The following PKIB variants were observed in gnomAD, a reference collection of about 807,000 sequenced individuals.
PKIB encodes the protein PKI-beta.
PKIB carries 2 observed loss-of-function variants against 4.5 expected under a neutral mutation model. That is an observed-to-expected ratio of 0.44 (90% confidence interval 0.18 to 1.39). The LOEUF is 1.39. Among genes scored for constraint, PKIB ranks in the 40% most tolerant of loss-of-function variants. The probability of loss-of-function intolerance (pLI) is 0.27; values close to 1 mark genes in which losing one functional copy is unlikely to be tolerated. For missense variants in PKIB, 94 were observed against 92.6 expected (o/e 1.02, Z -0.06); for synonymous variants, 38 against 36.0 (o/e 1.06, Z -0.20).
chr6:122,503,824 G>A (rs1208975562), intron 2 of PKIB, among the ~76,000 whole-genome samples: 1 of 151,924 alleles, frequency 6.6e-6, no homozygotes, highest in Non-Finnish European at 1.5e-5. Context: ...AATAAACTGG[G>A]GACTCTGACA....
intron 2 of PKIB, among the ~76,000 whole-genome samples, chr6:122,639,999 A>C (rs1321570801): frequency 6.6e-6 from 1 of 152,178 alleles, no homozygotes; most frequent in Non-Finnish European, 1.5e-5. Flanking sequence ...CAGCTTTGTC[A>C]CTTACTCTTA....
chr6:122,566,787 A>C (rs1248554919), intron 2 of PKIB, among the ~76,000 whole-genome samples: 1 of 152,174 alleles, frequency 6.6e-6, no homozygotes. Context: ...AACCATTCTT[A>C]TGTGGTTGGA....
chr6:122,649,495 C>T (rs1054181543), intron 2 of PKIB, among the ~76,000 whole-genome samples: 1 of 152,082 alleles, frequency 6.6e-6, no homozygotes, highest in Non-Finnish European at 1.5e-5. Context: ...CCCAGGAGAC[C>T]CTAGGTACTG....
intron 2 of PKIB, among the ~76,000 whole-genome samples, chr6:122,582,995 T>C (rs1027591900): frequency 3.9e-5 from 6 of 152,050 alleles, no homozygotes; most frequent in African/African-American, 1.4e-4. Flanking sequence ...TACTTAGTCA[T>C]ATGAAGAAAT....
chr6:122,684,504 C>A (rs182919764), intron 3 of PKIB, among the ~76,000 whole-genome samples: 33 of 152,248 alleles, frequency 2.2e-4, no homozygotes, highest in Non-Finnish European at 4.4e-5. Flanking sequence ...ACAAATCACA[C>A]CACCATGTCC....
intron 2 of PKIB, among the ~76,000 whole-genome samples, chr6:122,488,406 C>G (rs116155615): frequency 0.012 from 1,747 of 151,754 alleles, 38 homozygotes; most frequent in African/African-American, 0.041. Flanking sequence ...TACTTTTTCC[C>G]TTCATATTCT....
intron 2 of PKIB, among the ~76,000 whole-genome samples, chr6:122,550,883 G>A (rs1420776693): frequency 6.6e-6 from 1 of 152,130 alleles, no homozygotes; most frequent in Non-Finnish European, 1.5e-5. Flanking sequence ...ACTTGAAAAT[G>A]TCTTTATTTT....
At chr6:122,719,551 C>A (rs1038404120) in intron 4 of PKIB, among the ~76,000 whole-genome samples, 3 of 151,858 alleles carry the variant, frequency 2.0e-5, no homozygotes, top group African/African-American at 4.8e-5. Context: ...TGGTAGCTAC[C>A]AGGAAAATTA....
At chr6:122,587,172 C>T (rs555367949) in intron 3 of PKIB, among the ~76,000 whole-genome samples, 2 of 152,132 alleles carry the variant, frequency 1.3e-5, no homozygotes, top group African/African-American at 4.8e-5. Context: ...GCTATCCCTC[C>T]CCCGTCCTCC....
At chr6:122,702,341 T>C (rs1485112567) in intron 3 of PKIB, among the ~76,000 whole-genome samples, 1 of 147,264 alleles carries the variant, frequency 6.8e-6, no homozygotes, top group Non-Finnish European at 1.5e-5. Flanking sequence ...TTTTTTTTTT[T>C]TTTTTTGAGA....
At chr6:122,537,739 T>A (rs1273787967) in intron 2 of PKIB, among the ~76,000 whole-genome samples, 2 of 152,150 alleles carry the variant, frequency 1.3e-5, no homozygotes, top group African/African-American at 4.8e-5. Context: ...TCTAGATCCC[T>A]GAGGAATCGC....
chr6:122,502,948 T>C (rs2114562772), intron 2 of PKIB, among the ~76,000 whole-genome samples: 1 of 152,324 alleles, frequency 6.6e-6, no homozygotes, highest in South Asian at 2.1e-4. Context: ...AACAAGCATT[T>C]ATTTCTCACA....
intron 3 of PKIB, among the ~76,000 whole-genome samples, chr6:122,716,219 T>C (rs1465961774): frequency 1.3e-5 from 2 of 152,180 alleles, no homozygotes; most frequent in African/African-American, 4.8e-5. Flanking sequence ...CATTTATTCT[T>C]TATCTCATTA....
rs1366372231 is a variant in PKIB at position 122,625,669 on chromosome 6, TTAAC to T, written c.-160-7612_-160-7609del. 1.2e-3 allele frequency among the ~76,000 whole-genome samples: 184 copies of T among 151,992 alleles called. 2 individuals are homozygous for T. The highest frequency in any genetic ancestry group is 4.9e-4 in the Non-Finnish European group (33 of 67,988). On this transcript the variant is annotated intron_variant, in intron 1 of 4. Transcript: ENST00000368452. The stretch of plus-strand genomic sequence containing the variant: ...ATAATAATAATAATTAATTAATTAA[TTAAC>T]TTTTTTTAAAAAGCTATGAAAATGT...
chr6:122,667,517 AC>A (rs1267905057), intron 2 of PKIB, among the ~76,000 whole-genome samples: 1 of 95,946 alleles, frequency 1.0e-5, no homozygotes, highest in Non-Finnish European at 2.1e-5. Flanking sequence ...AGCCTGGGGG[AC>A]AAAGCAAGAC....
At chr6:122,593,767 A>G (rs537334526) in intron 3 of PKIB, among the ~76,000 whole-genome samples, 20 of 152,348 alleles carry the variant, frequency 1.3e-4, no homozygotes, top group Non-Finnish European at 2.5e-4. Context: ...TAAAAAGTTA[A>G]GAACACAAAA....
At chr6:122,588,711 A>G (rs923610281) in intron 3 of PKIB, among the ~76,000 whole-genome samples, 4 of 152,206 alleles carry the variant, frequency 2.6e-5, no homozygotes, top group Non-Finnish European at 4.4e-5. Context: ...TAATTCCTTA[A>G]GGAAACATTG....
In PKIB at chr6:122,472,933, A is replaced by G. The variant is rs566975806; in HGVS notation, c.-337+892A>G. On this transcript the variant is annotated intron_variant, in intron 1 of 6. Coordinates refer to the PKIB transcript ENST00000392491. The stretch of plus-strand genomic sequence containing the variant: ...CAAGACCAGCCTGGCCAGCATGGTG[A>G]AACCCCATCTCTACTAAAAATACAA... 7.7e-4 allele frequency among the ~76,000 whole-genome samples: 118 copies of G among 152,284 alleles called. 3 individuals are homozygous for G. In the South Asian group the frequency reaches 0.024, roughly 31 times the overall value.
At chr6:122,710,148 C>T (rs561712930) in intron 3 of PKIB, among the ~76,000 whole-genome samples, 1 of 152,152 alleles carries the variant, frequency 6.6e-6, no homozygotes, top group Non-Finnish European at 1.5e-5. Flanking sequence ...GTTCCAGTCT[C>T]TCTACTAGGC....
Sources: gnomAD v4.1 joint callset for allele counts (sites outside exome capture counted in the v4.1 genomes callset) on GRCh38, gnomAD v4.1.1 for gene constraint, MANE v1.5 for transcripts, NCBI Gene and HGNC (gene_info 2026-07-23, HGNC 2026-07-21) for gene names.